DDX25: variants seen among roughly 807,000 people sequenced by gnomAD.
The protein encoded by DDX25 is DEAD-box helicase 25.
DDX25 carries 70 observed loss-of-function variants against 64.6 expected under a neutral mutation model. The observed-to-expected ratio is 1.08, with a 90% CI of 0.89 to 1.32. DDX25 has a LOEUF of 1.32. Ranked by LOEUF, DDX25 falls within the 40% of genes most tolerant of loss-of-function variation. DDX25 has a pLI of 0.00. For synonymous variants in DDX25, 211 were observed against 213.3 expected, an observed-to-expected ratio of 0.99 and a Z score of 0.09; for missense variants, 587 against 604.4, an observed-to-expected ratio of 0.97 and a Z score of 0.30.
Position 125,908,299 on chromosome 11 carries a change from A to G in DDX25, c.404+11A>G. ...GATGCTGGCACATCCGTGAGTTTCC[A>G]GGGTAGTGGTATTCTACTTGGTTAT... On this transcript the variant is annotated intron_variant, in intron 5 of 11. Transcript: ENST00000263576. The G allele has an allele frequency of 6.2e-7, 1 of 1,613,388 alleles. No homozygotes were observed. Among genetic ancestry groups the G allele is most frequent in the Non-Finnish European group, 8.5e-7 (1 of 1,179,696 alleles).
intron 6 of DDX25, among the ~76,000 whole-genome samples, chr11:125,908,727 CTGAA>C (rs1261093634): frequency 1.3e-5 from 2 of 152,202 alleles, no homozygotes; most frequent in African/African-American, 4.8e-5. Context: ...CACTTACTAA[CTGAA>C]TGTCTTAGGC....
At chr11:125,910,069 T>G (rs1944947010) in intron 6 of DDX25, among the ~76,000 whole-genome samples, 1 of 151,918 alleles carries the variant, frequency 6.6e-6, no homozygotes, top group African/African-American at 2.4e-5. Flanking sequence ...CCCCCTCCTA[T>G]GCCTCCCCCA....
rs1195722391 is a variant in DDX25, at chr11:125,904,563, G to A, written c.46G>A (p.Glu16Lys). 6.0e-6 allele frequency: 9 copies of A among 1,495,300 alleles called. No homozygotes were observed. Among genetic ancestry groups the A allele is most frequent in the East Asian group, 5.1e-5 (2 of 39,012 alleles). The allele number at this position is 1,495,300 out of a possible 1,614,324, so 92.6% of individuals were successfully genotyped here. ...AGGCGACGCAGGGGCGGCGGAGAGC[G>A]AGCGGCTGAACAGCCACGTAACCGC... is the stretch of plus-strand genomic sequence containing the variant. Reference protein sequence around the residue: ...WGGDAGAAESERLNSHFSNLS... With the variant: ...WGGDAGAAESKRLNSHFSNLS... The change falls in exon 1 of 12, where the codon GAG (glutamate) becomes AAG (lysine). Residue 16 changes from glutamate to lysine, a missense_variant. By Grantham distance (56) the Glu-to-Lys change is moderately conservative. Coordinates refer to ENST00000263576, the MANE Select transcript of DDX25 (RefSeq NM_013264.5).
At position 125,905,663 on chromosome 11, in the gene DDX25, T is replaced by C. The variant is rs138249017; in HGVS notation, c.175+66T>C. On this transcript the variant is annotated intron_variant, in intron 3 of 11. Coordinates refer to ENST00000263576, the MANE Select transcript of DDX25 (RefSeq NM_013264.5). Reference sequence around the variant, plus strand: ...GTTTCCGTTTATAACTTTAATAGTGTGAGTGAATAATATAATCTCAATTGG... The same window carrying C: ...GTTTCCGTTTATAACTTTAATAGTGCGAGTGAATAATATAATCTCAATTGG... 784 of 1,447,082 alleles carry C rather than the reference T, an allele frequency of 5.4e-4. 5 individuals carry two copies. In the African/African-American group the frequency reaches 9.5e-3, roughly 18 times the overall value. The allele number at this position is 1,447,082 out of a possible 1,614,324, so 89.6% of individuals were successfully genotyped here. A position where few individuals can be genotyped will look rare whatever the true frequency, so the allele number is the denominator to read the frequency against.
At position 125,907,469 on chromosome 11, in the gene DDX25, G is replaced by C. The variant is rs775566787; in HGVS notation, c.312-727G>C. ...TAAAAATACAAAAAATTAGCCAGGT[G>C]TGGTGGCGGGCGCCTGTAGTCCTAG... On this transcript the variant is annotated intron_variant, in intron 4 of 11. Transcript: ENST00000263576. Among the ~76,000 whole-genome samples, 779 of 152,070 alleles carry C rather than the reference G, an allele frequency of 5.1e-3. 4 individuals are homozygous for C. Among genetic ancestry groups the C allele is most frequent in the Admixed American group, 7.6e-3 (116 of 15,278 alleles).
In DDX25 at chr11:125,908,636, C is replaced by G; in HGVS notation, c.507+133C>G. ...TAGAAAAGACATGTTTTCATAAAAT[C>G]ATAGAGCATTGGGTAGCAGCATGGG... On this transcript the variant is annotated intron_variant, in intron 6 of 11. Transcript: ENST00000263576. The G allele has an allele frequency of 4.1e-6, 4 of 965,568 alleles. No individual in the cohort carries two copies. The South Asian group carries it at 6.1e-5, about 15-fold the overall frequency. The allele number at this position is 965,568 out of a possible 1,614,324, so 59.8% of individuals were successfully genotyped here.
Position 125,921,212 on chromosome 11 carries a change from C to A in DDX25, c.1223C>A (p.Thr408Lys), listed in dbSNP as rs778679909. The A allele has an allele frequency of 7.4e-6, 12 of 1,611,508 alleles. No homozygotes were observed. The highest frequency in any genetic ancestry group is 1.0e-5 in the Non-Finnish European group (12 of 1,179,210). ...CARGIDVKQV[T>K]IVVNFDLPVK... is the part of the protein sequence containing the mutation. Reference sequence around the variant, plus strand: ...CTAGGGATTGATGTGAAGCAGGTCACAATTGTTGTGAACTTTGATCTCCCT... The same window carrying A: ...CTAGGGATTGATGTGAAGCAGGTCAAAATTGTTGTGAACTTTGATCTCCCT... The change falls in exon 11 of 12, where the codon ACA becomes AAA. Residue 408 changes from threonine (T) to lysine (K), a missense_variant. By Grantham distance (78) the Thr-to-Lys change is moderately conservative (BLOSUM62 -1). Coordinates refer to ENST00000263576, the MANE Select transcript of DDX25 (RefSeq NM_013264.5). The surrounding 1 kb of genome is among the most constrained non-coding windows in gnomAD (Gnocchi z 4.1).
In DDX25 at chr11:125,911,367, C is replaced by G. The variant is rs1420683985; in HGVS notation, c.679C>G (p.Leu227Val). ...QIIIGTPGTV[L>V]DWCFKLKLID... The stretch of plus-strand genomic sequence containing the variant: ...TATAATTGGCACTCCTGGGACTGTC[C>G]TAGATTGGTGTTTTAAACTAAAATT... The change falls in exon 8 of 12, where the codon CTA becomes GTA. Residue 227 changes from leucine to valine, a missense_variant. Leu to Val is a conservative substitution (Grantham distance 32). Coordinates refer to ENST00000263576, the MANE Select transcript of DDX25 (RefSeq NM_013264.5). The G allele has an allele frequency of 1.9e-6, 3 of 1,613,644 alleles. No homozygotes were observed. The highest frequency in any genetic ancestry group is 8.5e-7 in the Non-Finnish European group (1 of 1,179,816).
chr11:125,910,915 C>CTTT (rs34647627), intron 7 of DDX25, among the ~76,000 whole-genome samples: 2 of 141,810 alleles, frequency 1.4e-5, no homozygotes, highest in African/African-American at 2.6e-5. Flanking sequence ...TTGTGTTTTG[C>CTTT]TTTTTTTTTT....
intron 11 of DDX25, chr11:125,922,568 C>T: frequency 2.6e-6 from 1 of 378,240 alleles, no homozygotes; most frequent in Non-Finnish European, 4.7e-6. Flanking sequence ...GAGCCTCAGT[C>T]CCTCCCAGGC....
Position 125,923,191 on chromosome 11 carries a change from C to A in DDX25, c.*310C>A. On this transcript the variant is annotated 3_prime_UTR_variant, in exon 12 of 12. Coordinates refer to ENST00000263576, the MANE Select transcript of DDX25 (RefSeq NM_013264.5). ...GATACAATCTGAGCAGATCGTGCCT[C>A]TTGGGAGCATCTTACTGTGTCACAA... 1 of 237,228 alleles carries A rather than the reference C, an allele frequency of 4.2e-6. No individual in the cohort carries two copies. The highest frequency in any genetic ancestry group is 8.2e-6 in the Non-Finnish European group (1 of 122,548). 14.7% of individuals were successfully genotyped at this position (237,228 alleles called of 1,614,324 possible).
Position 125,912,274 on chromosome 11 carries a change from C to T in DDX25, c.800+786C>T, listed in dbSNP as rs548324628. Among the ~76,000 whole-genome samples the T allele has an allele frequency of 1.4e-3, 220 of 152,270 alleles. 2 individuals carry two copies. The highest frequency in any genetic ancestry group is 5.0e-3 in the African/African-American group (206 of 41,526). ...GGAATTGAGTTCTTTGAAAACACCACCCATTCTACCTTTCCTATCCCCCCA... is the reference window on the plus strand; with the variant it reads ...GGAATTGAGTTCTTTGAAAACACCATCCATTCTACCTTTCCTATCCCCCCA... On this transcript the variant is annotated intron_variant, in intron 8 of 11. Transcript: ENST00000263576.
rs1048937999 is a variant in DDX25 at position 125,924,277 on chromosome 11, C to G, written c.*1396C>G. Reference sequence around the variant, plus strand: ...GTGAGACTCTATCTCAAAAAAAACGCGCTCCCCTCCCTCATTTAGCAACAG... The same window carrying G: ...GTGAGACTCTATCTCAAAAAAAACGGGCTCCCCTCCCTCATTTAGCAACAG... On this transcript the variant is annotated 3_prime_UTR_variant, in exon 12 of 12. Transcript: ENST00000263576. 6.6e-6 allele frequency: 1 copy of G among 152,048 alleles called. No individual in the cohort carries two copies. Among genetic ancestry groups the G allele is most frequent in the African/African-American group, 2.4e-5 (1 of 41,386 alleles). 9.4% of individuals were successfully genotyped at this position (152,048 alleles called of 1,614,324 possible). A position where few individuals can be genotyped will look rare whatever the true frequency, so the allele number is the denominator to read the frequency against.
intron 10 of DDX25, chr11:125,920,919 T>TACACACACACAC (rs3034729): frequency 5.3e-5 from 14 of 265,286 alleles, no homozygotes; most frequent in African/African-American, 2.0e-4. Flanking sequence ...CACACACACA[T>TACACACACACAC]ACACACACAC....
At chr11:125,911,083 G>A (rs1409141976) in intron 7 of DDX25, among the ~76,000 whole-genome samples, 2 of 151,958 alleles carry the variant, frequency 1.3e-5, no homozygotes, top group Non-Finnish European at 1.5e-5. Context: ...TGGACATTTT[G>A]GTTGTTTTCT....
chr11:125,922,846 G>A lies in DDX25; in HGVS notation c.1417G>A (p.Glu473Lys), dbSNP rs753448525. ...CAGCAGTATTAAGCAACTCAACGCT[G>A]AAGACATGGATGAAATTGAAAAGAT... ...FNSSIKQLNA[E>K]DMDEIEKIDY The change falls in exon 12 of 12, where the codon GAA (glutamate) becomes AAA (lysine). Residue 473 changes from glutamate (E) to lysine (K), a missense_variant. Glu to Lys is a moderately conservative substitution (Grantham distance 56, BLOSUM62 1). Coordinates refer to ENST00000263576, the MANE Select transcript of DDX25 (RefSeq NM_013264.5). 1.1e-5 allele frequency: 18 copies of A among 1,609,934 alleles called. No homozygotes were observed. The highest frequency in any genetic ancestry group is 1.7e-4 in the Middle Eastern group (1 of 5,992).
intron 8 of DDX25, among the ~76,000 whole-genome samples, chr11:125,916,545 C>G (rs968543695): frequency 6.6e-6 from 1 of 152,140 alleles, no homozygotes; most frequent in African/African-American, 2.4e-5. Flanking sequence ...CCCTGTTGCT[C>G]CCCTTTAATT....
chr11:125,907,512 G>A (rs1944909292), intron 4 of DDX25, among the ~76,000 whole-genome samples: 1 of 152,138 alleles, frequency 6.6e-6, no homozygotes, highest in Non-Finnish European at 1.5e-5. Flanking sequence ...GGAGGCTGAG[G>A]CAGGAGAATG....
chr11:125,911,570 T>C (rs1944969704), intron 8 of DDX25, 82 bp downstream of exon 8: 11 of 1,393,712 alleles, frequency 7.9e-6, no homozygotes, highest in Non-Finnish European at 1.1e-5. Flanking sequence ...ACATTATCTT[T>C]ATTGCTTAAC....
Sources: allele counts gnomAD v4.1 joint callset (sites outside exome capture counted in the v4.1 genomes callset), GRCh38; gene constraint gnomAD v4.1.1; non-coding constraint Gnocchi (gnomAD v3.1); transcripts MANE v1.5; gene names NCBI Gene and HGNC (gene_info 2026-07-23, HGNC 2026-07-21).